The following HARS1 variants were observed in gnomAD, a reference collection of about 807,000 sequenced individuals.
HARS1 encodes histidine--tRNA ligase, cytoplasmic.
A neutral mutation model predicts 63.6 loss-of-function variants in HARS1; 45 were observed. The observed-to-expected ratio is 0.71, with a 90% confidence interval of 0.56 to 0.91. The LOEUF (loss-of-function observed/expected upper bound fraction) is 0.91. Among genes scored for constraint, HARS1 ranks in the 40% least tolerant of loss-of-function variants. HARS1 has a pLI of 0.00. For missense variants in HARS1, 508 were observed against 643.2 expected (o/e 0.79, Z 2.27); for synonymous variants, 205 against 247.1 (o/e 0.83, Z 1.60).
rs1311252143 is a variant in HARS1 at position 140,683,005 on chromosome 5, TG to T, written c.300+94del. The T allele has an allele frequency of 1.1e-5, 13 of 1,137,620 alleles. No homozygotes were observed. In the African/African-American group the frequency reaches 1.5e-4, roughly 13 times the overall value. 70.5% of individuals were successfully genotyped at this position (1,137,620 alleles called of 1,614,324 possible). The stretch of plus-strand genomic sequence containing the variant: ...GACTGGTCTGTGTCCACAACAGGAG[TG>T]GGCCCTTTGGACCCTCACTCTCTTG... On this transcript the variant is annotated intron_variant, in intron 3 of 12. Coordinates refer to ENST00000504156, the MANE Select transcript of HARS1 (RefSeq NM_002109.6).
At chr5:140,674,538 C>T (rs1758239997) in intron 12 of HARS1, 141 bp downstream of exon 12, 1 of 974,308 alleles carries the variant, frequency 1.0e-6, no homozygotes, top group Non-Finnish European at 1.6e-6. Flanking sequence ...ACTAAGACCA[C>T]AGTAACAGGT....
intron 3 of HARS1, 96 bp downstream of exon 3, chr5:140,683,004 G>T: frequency 8.7e-7 from 1 of 1,153,556 alleles, no homozygotes; most frequent in East Asian, 2.4e-5. Flanking sequence ...CACAACAGGA[G>T]TGGGCCCTTT....
intron 2 of HARS1, among the ~76,000 whole-genome samples, chr5:140,688,206 A>T (rs1430181648): frequency 6.6e-6 from 1 of 152,228 alleles, no homozygotes; most frequent in Non-Finnish European, 1.5e-5. Flanking sequence ...TGTCCCCACA[A>T]TACTGAGTTT....
intron 7 of HARS1, 42 bp downstream of exon 7, chr5:140,677,613 G>A: frequency 7.5e-7 from 1 of 1,329,694 alleles, no homozygotes; most frequent in Middle Eastern, 1.8e-4. Flanking sequence ...TCCCAAGGCA[G>A]GGTGGGATCT....
At chr5:140,675,201 T>G in intron 10 of HARS1, 68 bp from the exon 11 acceptor site, 1 of 1,064,750 alleles carries the variant, frequency 9.4e-7, no homozygotes. Flanking sequence ...CAGGCTCTAG[T>G]CGGGATTTTG....
intron 12 of HARS1, 64 bp from the exon 13 acceptor site, chr5:140,674,392 A>T: frequency 8.8e-7 from 1 of 1,131,812 alleles, no homozygotes; most frequent in Non-Finnish European, 1.4e-6. Context: ...CCGAGTGCCT[A>T]GTTTCCTCTA....
chr5:140,691,177 CT>C, intron 1 of HARS1, 37 bp downstream of exon 1: 2 of 1,464,816 alleles, frequency 1.4e-6, no homozygotes. Flanking sequence ...TCCTCCCAGG[CT>C]TTGCCTTGGC....
At chr5:140,681,713 G>A (rs1220165581) in intron 3 of HARS1, among the ~76,000 whole-genome samples, 2 of 151,982 alleles carry the variant, frequency 1.3e-5, no homozygotes, top group Admixed American at 1.3e-4. Flanking sequence ...TACAAGCCAT[G>A]GAGAGAGGCC....
intron 3 of HARS1, among the ~76,000 whole-genome samples, chr5:140,681,004 A>T (rs1360432592): frequency 6.6e-6 from 1 of 152,158 alleles, no homozygotes; most frequent in Non-Finnish European, 1.5e-5. Flanking sequence ...GAATAATGTC[A>T]AAAGTAAAAA....
intron 3 of HARS1, among the ~76,000 whole-genome samples, chr5:140,680,721 A>G (rs919105086): frequency 6.6e-6 from 1 of 151,784 alleles, no homozygotes. Flanking sequence ...TAGGCATCTA[A>G]TCCCAGCTAT....
At chr5:140,683,017 A>G in intron 3 of HARS1, 83 bp downstream of exon 3, 13 of 1,310,254 alleles carry the variant, frequency 9.9e-6, no homozygotes, top group Non-Finnish European at 1.4e-5. Flanking sequence ...GGCCCTTTGG[A>G]CCCTCACTCT....
At chr5:140,677,191 C>T in intron 8 of HARS1, 75 bp from the exon 9 acceptor site, 2 of 1,519,812 alleles carry the variant, frequency 1.3e-6, no homozygotes, top group South Asian at 2.2e-5. Context: ...CTTGCCTGGA[C>T]TCTAGTCGCC....
intron 8 of HARS1, 96 bp from the exon 9 acceptor site, chr5:140,677,212 T>G (rs1380877143): frequency 7.1e-7 from 1 of 1,410,894 alleles, no homozygotes; most frequent in African/African-American, 1.4e-5. Flanking sequence ...CATGCATGTG[T>G]GTGTACATAT....
rs776377712 is a variant in HARS1 at position 140,676,705 on chromosome 5, C to T, written c.1143G>A (p.Gly381=). ...AAATCCGCTCCACCCCAATGCTGAG[C>T]CCCACACATGGCACCTTGCGCCCTT... ...DPKGRKVPCV[G]LSIGVERIFS... is the part of the protein sequence containing the mutation. Residue 381 remains glycine, a synonymous_variant, in exon 10 of 13, where the codon GGG becomes GGA. Transcript: ENST00000504156. The surrounding 1 kb of genome is among the most constrained non-coding windows in gnomAD (Gnocchi z 4.1). The T allele has an allele frequency of 6.8e-6, 11 of 1,614,094 alleles. No homozygotes were observed. The highest frequency in any genetic ancestry group is 2.2e-5 in the East Asian group (1 of 44,892).
rs78677246 is a variant in HARS1, at chr5:140,678,241, T to A, written c.523-226A>T. On this transcript the variant is annotated intron_variant, in intron 5 of 12. Coordinates refer to ENST00000504156, the MANE Select transcript of HARS1 (RefSeq NM_002109.6). ...TTCCTTCATTTTCTACTTCATCATC[T>A]TCTTAACTCCTCCTACTGGATGGGG... The A allele has an allele frequency of 3.1e-3, 1,759 of 572,904 alleles. 24 individuals carry two copies. Among genetic ancestry groups the A allele is most frequent in the African/African-American group, 0.029 (1,575 of 53,438 alleles). The allele number at this position is 572,904 out of a possible 1,614,324, so 35.5% of individuals were successfully genotyped here.
In HARS1 at chr5:140,679,978, C is replaced by T. The variant is rs1353946143; in HGVS notation, c.301-95G>A. On this transcript the variant is annotated intron_variant, in intron 3 of 12. Coordinates refer to ENST00000504156, the MANE Select transcript of HARS1 (RefSeq NM_002109.6). The surrounding 1 kb of genome is among the most constrained non-coding windows in gnomAD (Gnocchi z 4.3). The stretch of plus-strand genomic sequence containing the variant: ...AACATGACTGATTCCAACTTGTCTA[C>T]ATTTCCCTCTGCTCTTTATCCCAAT... The T allele has an allele frequency of 1.5e-6, 1 of 654,336 alleles. No individual in the cohort carries two copies. Among genetic ancestry groups the T allele is most frequent in the Non-Finnish European group, 2.7e-6 (1 of 368,714 alleles). The allele number at this position is 654,336 out of a possible 1,614,324, so 40.5% of individuals were successfully genotyped here.
Position 140,677,088 on chromosome 5 carries a change from G to C in HARS1, c.852C>G (p.Leu284=). ...TGTTTTGGGATAGTTTAGGATCCTG[G>C]AGCAGCTGTTCCACCAGGGATACCC... ...HGGVSLVEQL[L]QDPKLSQNKQ... The change falls in exon 9 of 13, where the codon CTC becomes CTG. Residue 284 remains leucine (L), a synonymous_variant. Coordinates refer to ENST00000504156, the MANE Select transcript of HARS1 (RefSeq NM_002109.6). 1 of 1,614,122 alleles carries C rather than the reference G, an allele frequency of 6.2e-7. No homozygotes were observed. The highest frequency in any genetic ancestry group is 8.5e-7 in the Non-Finnish European group (1 of 1,179,986).
At chr5:140,683,004 G>A (rs763788853) in intron 3 of HARS1, 96 bp downstream of exon 3, 8 of 1,153,440 alleles carry the variant, frequency 6.9e-6, no homozygotes, top group Non-Finnish European at 6.4e-6. Flanking sequence ...CACAACAGGA[G>A]TGGGCCCTTT....
chr5:140,677,886 T>A lies in HARS1; in HGVS notation c.630+22A>T, dbSNP rs367875444. ...TGAGAGGCCAGGCCCAACTTTGCCC[T>A]CCCAGCCTTGTCAGCTCTGACCTTG... On this transcript the variant is annotated intron_variant, in intron 6 of 12. Transcript: ENST00000504156. 49 of 1,548,870 alleles carry A rather than the reference T, an allele frequency of 3.2e-5. No individual in the cohort carries two copies. In the African/African-American group the frequency reaches 6.5e-4, roughly 21 times the overall value.
Sources: allele counts gnomAD v4.1 joint callset (sites outside exome capture counted in the v4.1 genomes callset), GRCh38; gene constraint gnomAD v4.1.1; non-coding constraint Gnocchi (gnomAD v3.1); transcripts MANE v1.5; gene names NCBI Gene and HGNC (gene_info 2026-07-23, HGNC 2026-07-21).